Variants in ZNF382 observed in about 807,000 individuals in gnomAD.
ZNF382 encodes KRAB/zinc finger suppressor protein 1.
A neutral mutation model predicts 38.8 loss-of-function variants in ZNF382; 20 were observed. The ratio of observed to expected loss-of-function variants is 0.51; its 90% CI spans 0.36 to 0.75. The LOEUF is 0.75. Ranked by LOEUF, ZNF382 falls within the 30% of genes least tolerant of loss-of-function variation. The pLI, the probability that ZNF382 is intolerant of heterozygous loss-of-function variation, is 0.00. For synonymous variants in ZNF382, 202 were observed against 223.1 expected, an observed-to-expected ratio of 0.91 and a Z score of 0.84; for missense variants, 546 against 654.1, an observed-to-expected ratio of 0.83 and a Z score of 1.80.
At chr19:36,619,004 T>C (rs11668578) in intron 4 of ZNF382, among the ~76,000 whole-genome samples, 213 of 152,202 alleles carry the variant, frequency 1.4e-3, no homozygotes, top group Non-Finnish European at 2.6e-3. Flanking sequence ...CCAGCATAGG[T>C]AACAGAGCAA....
At chr19:36,606,721 T>C (rs1005887247) in intron 1 of ZNF382, among the ~76,000 whole-genome samples, 2 of 152,004 alleles carry the variant, frequency 1.3e-5, no homozygotes, top group African/African-American at 4.8e-5. Flanking sequence ...TTAGGCTTGC[T>C]AAGATAATAA....
At position 36,610,010 on chromosome 19, in the gene ZNF382, C is replaced by T. The variant is rs200539753; in HGVS notation, c.96C>T (p.Tyr32=). 753 of 1,613,770 alleles carry T rather than the reference C, an allele frequency of 4.7e-4. No homozygotes were observed. The highest frequency in any genetic ancestry group is 6.1e-4 in the Non-Finnish European group (722 of 1,179,932). The change falls in exon 3 of 5, where the codon TAC becomes TAT. Residue 32 remains tyrosine, a synonymous_variant. Transcript: ENST00000292928. Reference sequence around the variant, plus strand: ...TAGACCCTGCTCAGAAGGCGCTTTACAGGGATGTGATGTTGGAAAACTATT... The same window carrying T: ...TAGACCCTGCTCAGAAGGCGCTTTATAGGGATGTGATGTTGGAAAACTATT... ...QQLDPAQKAL[Y]RDVMLENYCH...
In ZNF382 at chr19:36,627,105, C is replaced by T. The variant is rs1192783402; in HGVS notation, c.1208C>T (p.Thr403Ile). Residue 403 changes from threonine to isoleucine, a missense_variant, in exon 5 of 5, where the codon ACA becomes ATA. Physicochemically the swap from Thr to Ile is moderately conservative, Grantham distance 89. Coordinates refer to ENST00000292928, the MANE Select transcript of ZNF382 (RefSeq NM_032825.5). ...SYLIDHQRTH[T>I]GEKPYQCNEC... The stretch of plus-strand genomic sequence containing the variant: ...CTCATTGATCACCAGAGAACTCACA[C>T]AGGAGAGAAACCGTATCAGTGTAAT... 6.2e-7 allele frequency: 1 copy of T among 1,614,150 alleles called. No individual in the cohort carries two copies. The highest frequency in any genetic ancestry group is 8.5e-7 in the Non-Finnish European group (1 of 1,180,030).
intron 2 of ZNF382, chr19:36,609,031 GT>G: frequency 6.6e-6 from 1 of 152,256 alleles, no homozygotes; most frequent in East Asian, 1.9e-4. Context: ...GCCTTTTCCA[GT>G]CTTCAGGAGT....
In ZNF382 at chr19:36,629,545, A is replaced by C. The variant is rs1164571555; in HGVS notation, c.*1995A>C. 1 of 152,194 alleles carries C rather than the reference A, an allele frequency of 6.6e-6. No homozygotes were observed. The highest frequency in any genetic ancestry group is 1.5e-5 in the Non-Finnish European group (1 of 68,046). The allele number at this position is 152,194 out of a possible 1,614,324, so 9.4% of individuals were successfully genotyped here. A position where few individuals can be genotyped will look rare whatever the true frequency, so the allele number is the denominator to read the frequency against. ...ATCATCAGGCTTTTTAACTACAAAC[A>C]GTTTTATTTTTTATTTAATAAAAAA... is the stretch of plus-strand genomic sequence containing the variant. On this transcript the variant is annotated 3_prime_UTR_variant, in exon 5 of 5. Coordinates refer to ENST00000292928, the MANE Select transcript of ZNF382 (RefSeq NM_032825.5).
Position 36,629,391 on chromosome 19 carries a change from G to A in ZNF382, c.*1841G>A, listed in dbSNP as rs2037239348. 1 of 152,070 alleles carries A rather than the reference G, an allele frequency of 6.6e-6. No individual in the cohort carries two copies. The allele number at this position is 152,070 out of a possible 1,614,324, so 9.4% of individuals were successfully genotyped here. A position where few individuals can be genotyped will look rare whatever the true frequency, so the allele number is the denominator to read the frequency against. ...AGCATCAGCTGCCAACCATGTAAGT[G>A]AGGCCTCTTGGACATCCAGTCAAGC... On this transcript the variant is annotated 3_prime_UTR_variant, in exon 5 of 5. Transcript: ENST00000292928.
chr19:36,614,536 C>T (rs754068748), intron 4 of ZNF382, among the ~76,000 whole-genome samples: 17 of 152,202 alleles, frequency 1.1e-4, no homozygotes, highest in South Asian at 2.1e-4. Flanking sequence ...GTTAGCTTCT[C>T]TAATTCCTGA....
Position 36,612,621 on chromosome 19 carries a change from C to G in ZNF382, c.232+1879C>G, listed in dbSNP as rs1039820715. Among the ~76,000 whole-genome samples, 6 of 152,148 alleles carry G rather than the reference C, an allele frequency of 3.9e-5. No individual in the cohort carries two copies. The East Asian group carries it at 1.2e-3, about 29-fold the overall frequency. On this transcript the variant is annotated intron_variant, in intron 4 of 4. Transcript: ENST00000292928. The stretch of plus-strand genomic sequence containing the variant: ...AATGTTGATTGCCCCACGTTCTTTT[C>G]TACATTTTATGTTCATTTTGTCCAT...
At chr19:36,611,889 T>G (rs145471538) in intron 4 of ZNF382, among the ~76,000 whole-genome samples, 5 of 152,342 alleles carry the variant, frequency 3.3e-5, no homozygotes, top group African/African-American at 1.2e-4. Flanking sequence ...TGGCTGACTT[T>G]CATGCCTCTA....
chr19:36,622,148 A>G (rs987470323), intron 4 of ZNF382, among the ~76,000 whole-genome samples: 5 of 151,984 alleles, frequency 3.3e-5, no homozygotes, highest in African/African-American at 1.2e-4. Flanking sequence ...CAGCCTCCCA[A>G]GTAGCTGGGA....
rs2037257036 is a variant in ZNF382, at chr19:36,632,033, AAG to A, written c.*4484_*4485del. ...TGGCTCAGCAAAAGAAAGGGAAGGT[AAG>A]CATTAGGGCTCAGAATCATCTAGCT... On this transcript the variant is annotated 3_prime_UTR_variant, in exon 5 of 5. Transcript: ENST00000292928. 1 of 152,284 alleles carries A rather than the reference AAG, an allele frequency of 6.6e-6. No individual in the cohort carries two copies. 9.4% of individuals were successfully genotyped at this position (152,284 alleles called of 1,614,324 possible). A position where few individuals can be genotyped will look rare whatever the true frequency, so the allele number is the denominator to read the frequency against.
chr19:36,623,159 C>T (rs767646057), intron 4 of ZNF382, among the ~76,000 whole-genome samples: 14 of 152,204 alleles, frequency 9.2e-5, no homozygotes, highest in Middle Eastern at 6.8e-3. Flanking sequence ...TATTGATTGT[C>T]GTGCCATGCA....
chr19:36,606,599 C>G (rs1185764833), intron 1 of ZNF382, among the ~76,000 whole-genome samples: 1 of 138,206 alleles, frequency 7.2e-6, no homozygotes, highest in African/African-American at 2.6e-5. Context: ...CAAGTGATCC[C>G]CTCCCCCCGC....
rs531230019 is a variant in ZNF382 at position 36,628,510 on chromosome 19, A to G, written c.*960A>G. ...AATCAATGTTATTGTGAAAACTGGGAATGTGAATGTAATATATGTAGAAAA... is the reference window on the plus strand; with the variant it reads ...AATCAATGTTATTGTGAAAACTGGGGATGTGAATGTAATATATGTAGAAAA... On this transcript the variant is annotated 3_prime_UTR_variant, in exon 5 of 5. Coordinates refer to ENST00000292928, the MANE Select transcript of ZNF382 (RefSeq NM_032825.5). 2.0e-5 allele frequency: 3 copies of G among 153,140 alleles called. No individual in the cohort carries two copies. The highest frequency in any genetic ancestry group is 4.1e-4 in the South Asian group (2 of 4,830). 9.5% of individuals were successfully genotyped at this position (153,140 alleles called of 1,614,324 possible).
chr19:36,631,943 T>G lies in ZNF382; in HGVS notation c.*4393T>G, dbSNP rs2037256541. On this transcript the variant is annotated 3_prime_UTR_variant, in exon 5 of 5. Coordinates refer to ENST00000292928, the MANE Select transcript of ZNF382 (RefSeq NM_032825.5). ...GCATATGCAAAATGAGTTCATCAGT[T>G]CAGAGGACTAACAGGACTCCACAGA... 2 of 152,308 alleles carry G rather than the reference T, an allele frequency of 1.3e-5. No homozygotes were observed. The highest frequency in any genetic ancestry group is 2.4e-5 in the African/African-American group (1 of 41,558). The allele number at this position is 152,308 out of a possible 1,614,324, so 9.4% of individuals were successfully genotyped here.
intron 4 of ZNF382, among the ~76,000 whole-genome samples, chr19:36,612,244 C>T (rs991141319): frequency 1.3e-5 from 2 of 152,204 alleles, no homozygotes; most frequent in African/African-American, 4.8e-5. Context: ...TGCTTTCTTT[C>T]ACTCAGCTTC....
chr19:36,607,655 C>CT (rs1568626262), intron 2 of ZNF382, 33 bp downstream of exon 2: 4 of 1,506,722 alleles, frequency 2.7e-6, no homozygotes, highest in Non-Finnish European at 3.5e-6. Flanking sequence ...TCTGAAATAA[C>CT]TTTTTTTCAT....
rs756945198 is a variant in ZNF382, at chr19:36,630,002, G to GTGAT, written c.*2454_*2457dup. On this transcript the variant is annotated 3_prime_UTR_variant, in exon 5 of 5. Coordinates refer to ENST00000292928, the MANE Select transcript of ZNF382 (RefSeq NM_032825.5). Reference sequence around the variant, plus strand: ...GCAAAGGTATTGTTGTTACTAATAGGTGATTTTGGCATGAAGAAAAACTGG... The same window carrying GTGAT: ...GCAAAGGTATTGTTGTTACTAATAGGTGATTGATTTTGGCATGAAGAAAAACTGG... The GTGAT allele has an allele frequency of 6.6e-6, 1 of 152,130 alleles. No homozygotes were observed. Among genetic ancestry groups the GTGAT allele is most frequent in the Non-Finnish European group, 1.5e-5 (1 of 68,024 alleles). 9.4% of individuals were successfully genotyped at this position (152,130 alleles called of 1,614,324 possible).
intron 4 of ZNF382, among the ~76,000 whole-genome samples, chr19:36,621,208 A>G (rs937936626): frequency 6.6e-6 from 1 of 151,826 alleles, no homozygotes; most frequent in Non-Finnish European, 1.5e-5. Flanking sequence ...TCTGTAAAAT[A>G]TCTTTACATC....
Sources: gnomAD v4.1 joint callset for allele counts (sites outside exome capture counted in the v4.1 genomes callset) on GRCh38, gnomAD v4.1.1 for gene constraint, MANE v1.5 for transcripts, NCBI Gene and HGNC (gene_info 2026-07-23, HGNC 2026-07-21) for gene names.